SYT1: variants seen among roughly 807,000 people sequenced by gnomAD.
SYT1 encodes the protein synaptotagmin 1, also known as synaptotagmin-1.
In SYT1, 8 loss-of-function variants were observed where a neutral mutation model predicts 44.8. The ratio of observed to expected loss-of-function variants is 0.18; its 90% CI spans 0.10 to 0.32. The LOEUF is 0.32. SYT1 is among the 10% of genes least tolerant of loss of function. The pLI, the probability that SYT1 is intolerant of heterozygous loss-of-function variation, is 1.00. For synonymous variants in SYT1, 154 were observed against 188.8 expected (o/e 0.82, Z 1.51); for missense variants, 286 against 509.3 (o/e 0.56, Z 4.22).
At chr12:79,101,486 A>T (rs1277197712) in intron 3 of SYT1, among the ~76,000 whole-genome samples, 1 of 152,240 alleles carries the variant, frequency 6.6e-6, no homozygotes, top group African/African-American at 2.4e-5. Flanking sequence ...GTCAGAGTAT[A>T]CAAGGTACAA....
chr12:78,876,638 C>T (rs1471731816), intron 1 of SYT1, among the ~76,000 whole-genome samples: 1 of 129,296 alleles, frequency 7.7e-6, no homozygotes, highest in Non-Finnish European at 1.6e-5. Flanking sequence ...CACACGTGTA[C>T]ACATATGTAT....
At chr12:79,045,472 G>T (rs192266190) in intron 2 of SYT1, 1 of 155,448 alleles carries the variant, frequency 6.4e-6, no homozygotes, top group Non-Finnish European at 1.4e-5. Flanking sequence ...CCTCGCCCCT[G>T]TTTCGGCTCG....
chr12:78,916,992 G>A (rs955463486), intron 1 of SYT1, among the ~76,000 whole-genome samples: 2 of 151,928 alleles, frequency 1.3e-5, no homozygotes, highest in African/African-American at 4.8e-5. Context: ...GAGTGCAGTG[G>A]CATGATGATG....
At chr12:79,106,439 A>G (rs1401977795) in intron 3 of SYT1, among the ~76,000 whole-genome samples, 3 of 151,976 alleles carry the variant, frequency 2.0e-5, no homozygotes, top group Non-Finnish European at 4.4e-5. Context: ...GAATTTAAAC[A>G]TTTTAACTCA....
chr12:78,977,345 A>T (rs1007834739), intron 1 of SYT1, among the ~76,000 whole-genome samples: 1 of 152,198 alleles, frequency 6.6e-6, no homozygotes, highest in Non-Finnish European at 1.5e-5. Context: ...CTTTTCAATA[A>T]TTCTGAAAAG....
At chr12:79,374,542 G>T (rs545203373) in intron 9 of SYT1, among the ~76,000 whole-genome samples, 5 of 152,198 alleles carry the variant, frequency 3.3e-5, no homozygotes, top group African/African-American at 1.2e-4. Context: ...ATAATGCCGG[G>T]TTTTAAAAAG....
chr12:79,104,986 G>C (rs529089346), intron 3 of SYT1, among the ~76,000 whole-genome samples: 1 of 152,088 alleles, frequency 6.6e-6, no homozygotes, highest in Non-Finnish European at 1.5e-5. Flanking sequence ...ACAAAACGGC[G>C]GTGGGACAGA....
At chr12:79,202,987 A>G (rs139474794) in intron 3 of SYT1, among the ~76,000 whole-genome samples, 1 of 152,228 alleles carries the variant, frequency 6.6e-6, no homozygotes, top group East Asian at 1.9e-4. Flanking sequence ...AATCTCTTAG[A>G]CCTATTGGGA....
chr12:79,022,738 C>T (rs933378269), intron 2 of SYT1, among the ~76,000 whole-genome samples: 4 of 151,562 alleles, frequency 2.6e-5, no homozygotes, highest in African/African-American at 9.7e-5. Context: ...AGCTCACACA[C>T]ATAAAACCTC....
chr12:79,414,056 A>G (rs1280063464), intron 9 of SYT1, among the ~76,000 whole-genome samples: 1 of 152,210 alleles, frequency 6.6e-6, no homozygotes, highest in Non-Finnish European at 1.5e-5. Context: ...ACAGAACACC[A>G]TGCCCATAAA....
intron 4 of SYT1, among the ~76,000 whole-genome samples, chr12:79,271,148 C>A (rs1878400456): frequency 6.6e-6 from 1 of 152,066 alleles, no homozygotes; most frequent in African/African-American, 2.4e-5. Flanking sequence ...CTCTGCAACA[C>A]CCTTGCTCTT....
At chr12:79,286,157 C>A (rs541906681) in intron 5 of SYT1, among the ~76,000 whole-genome samples, 186 bp downstream of exon 5, 4 of 152,114 alleles carry the variant, frequency 2.6e-5, no homozygotes, top group Admixed American at 6.6e-5. Flanking sequence ...CAGGGTTTTC[C>A]AATCTCCTGA....
At chr12:79,402,257 A>G (rs1020185499) in intron 9 of SYT1, among the ~76,000 whole-genome samples, 1 of 152,188 alleles carries the variant, frequency 6.6e-6, no homozygotes, top group Non-Finnish European at 1.5e-5. Flanking sequence ...CTTGCCTGGA[A>G]GTGCAGGCTA....
At chr12:79,443,864 T>C (rs1336682792) in intron 9 of SYT1, among the ~76,000 whole-genome samples, 1 of 152,214 alleles carries the variant, frequency 6.6e-6, no homozygotes, top group Non-Finnish European at 1.5e-5. Context: ...TCTCATCTTC[T>C]AAATCAAACT....
rs1565840972 is a variant in SYT1 at position 79,178,976 on chromosome 12, ATATAGATATATC to A, written c.-17-38522_-17-38511del. 5.6e-3 allele frequency among the ~76,000 whole-genome samples: 606 copies of A among 108,472 alleles called. 65 individuals are homozygous for A. Among genetic ancestry groups the A allele is most frequent in the African/African-American group, 0.017 (453 of 26,544 alleles). The allele number at this position is 108,472 out of a possible 152,430, so 71.2% of individuals were successfully genotyped here. ...TATAGATATAGATATAGATATATAG[ATATAGATATATC>A]TATATAGATATAGATATAGATATAT... On this transcript the variant is annotated intron_variant, in intron 3 of 10. Coordinates refer to ENST00000261205, the MANE Select transcript of SYT1 (RefSeq NM_005639.3).
At chr12:78,958,427 G>C (rs1465070079) in intron 1 of SYT1, among the ~76,000 whole-genome samples, 2 of 152,036 alleles carry the variant, frequency 1.3e-5, no homozygotes, top group African/African-American at 4.8e-5. Flanking sequence ...GGGAGCCATG[G>C]CTTACACCAG....
intron 8 of SYT1, among the ~76,000 whole-genome samples, chr12:79,314,042 G>T (rs1005267550): frequency 6.6e-6 from 1 of 150,680 alleles, no homozygotes; most frequent in Non-Finnish European, 1.5e-5. Flanking sequence ...GGTAGCGGGC[G>T]CCTGTAGTCC....
intron 4 of SYT1, among the ~76,000 whole-genome samples, chr12:79,224,072 G>A (rs557638567): frequency 2.0e-4 from 31 of 152,276 alleles, no homozygotes; most frequent in Middle Eastern, 6.8e-3. Flanking sequence ...TAGCTCTTGT[G>A]AAGTTATTTT....
intron 3 of SYT1, among the ~76,000 whole-genome samples, chr12:79,060,441 A>C (rs988260789): frequency 6.6e-6 from 1 of 151,956 alleles, no homozygotes; most frequent in African/African-American, 2.4e-5. Context: ...TCATCTTCCC[A>C]AAGTGAAACT....
Sources: gnomAD v4.1 joint callset for allele counts (sites outside exome capture counted in the v4.1 genomes callset) on GRCh38, gnomAD v4.1.1 for gene constraint, MANE v1.5 for transcripts, NCBI Gene and HGNC (gene_info 2026-07-23, HGNC 2026-07-21) for gene names.